The following FLRT2 variants were observed in gnomAD, a reference collection of about 807,000 sequenced individuals.
FLRT2 encodes leucine-rich repeat transmembrane protein FLRT2.
FLRT2 carries 15 observed loss-of-function variants against 40.0 expected under a neutral mutation model. The ratio of observed to expected loss-of-function variants is 0.38; its 90% confidence interval spans 0.25 to 0.58. The LOEUF is 0.58. Among genes scored for constraint, FLRT2 ranks in the 20% least tolerant of loss-of-function variants. The pLI is 0.71. For synonymous variants in FLRT2, 380 were observed against 336.8 expected (o/e 1.13, Z -1.41); for missense variants, 726 against 840.0 (o/e 0.86, Z 1.68).
In FLRT2 at chr14:85,533,377, C is replaced by T. The variant is rs373937632; in HGVS notation, c.-377+2843C>T. Among the ~76,000 whole-genome samples, 3 of 151,978 alleles carry T rather than the reference C, an allele frequency of 2.0e-5. No individual in the cohort carries two copies. The East Asian group carries it at 5.9e-4, about 30-fold the overall frequency. ...AGTGTGGTCTGAGCAGCCTCCAGAC[C>T]CACGCCGGGCGGGCGCAGCACTTGG... On this transcript the variant is annotated intron_variant, in intron 1 of 1. Transcript: ENST00000330753.
In FLRT2 at chr14:85,637,767, C is replaced by T. The variant is rs1894044860; in HGVS notation, c.*14270C>T. 6.6e-6 allele frequency: 1 copy of T among 152,192 alleles called. No homozygotes were observed. Among genetic ancestry groups the T allele is most frequent in the Non-Finnish European group, 1.5e-5 (1 of 68,046 alleles). The allele number at this position is 152,192 out of a possible 1,614,324, so 9.4% of individuals were successfully genotyped here. Reference sequence around the variant, plus strand: ...AGGAAGATTTGAAACATAATAGTTTCCTTTGCGCTTCTGTGGATGTCTCTG... The same window carrying T: ...AGGAAGATTTGAAACATAATAGTTTTCTTTGCGCTTCTGTGGATGTCTCTG... On this transcript the variant is annotated 3_prime_UTR_variant, in exon 2 of 2. Transcript: ENST00000330753.
chr14:85,577,712 G>A (rs1053282769), intron 1 of FLRT2, among the ~76,000 whole-genome samples: 4 of 151,810 alleles, frequency 2.6e-5, no homozygotes, highest in Admixed American at 1.3e-4. Context: ...TCAGTCTCTC[G>A]AGTAGCTAAG....
rs1186193665 is a variant in FLRT2, at chr14:85,634,109, C to T, written c.*10612C>T. On this transcript the variant is annotated 3_prime_UTR_variant, in exon 2 of 2. Transcript: ENST00000330753. ...TGGATCACGTTGTTTTCTTTCTGTA[C>T]ACTTTGTGGTAGTTAATAGTCTCAA... 4 of 152,306 alleles carry T rather than the reference C, an allele frequency of 2.6e-5. No individual in the cohort carries two copies. The highest frequency in any genetic ancestry group is 2.1e-4 in the South Asian group (1 of 4,828). 9.4% of individuals were successfully genotyped at this position (152,306 alleles called of 1,614,324 possible). A position where few individuals can be genotyped will look rare whatever the true frequency, so the allele number is the denominator to read the frequency against.
At position 85,630,980 on chromosome 14, in the gene FLRT2, T is replaced by C. The variant is rs911440469; in HGVS notation, c.*7483T>C. ...ACATGCGTTTTTATTGCTTGCAAGATAGAATTCAAACTCTTTGTGTGACTT... is the reference window on the plus strand; with the variant it reads ...ACATGCGTTTTTATTGCTTGCAAGACAGAATTCAAACTCTTTGTGTGACTT... On this transcript the variant is annotated 3_prime_UTR_variant, in exon 2 of 2. Coordinates refer to ENST00000330753, the MANE Select transcript of FLRT2 (RefSeq NM_013231.6). 1.6e-4 allele frequency: 25 copies of C among 151,712 alleles called. No homozygotes were observed. The highest frequency in any genetic ancestry group is 5.3e-4 in the African/African-American group (22 of 41,254). 9.4% of individuals were successfully genotyped at this position (151,712 alleles called of 1,614,324 possible).
At chr14:85,605,910 C>A (rs143663106) in intron 1 of FLRT2, among the ~76,000 whole-genome samples, 145 of 152,156 alleles carry the variant, frequency 9.5e-4, no homozygotes, top group African/African-American at 3.4e-3. Context: ...ATTTTCTCCC[C>A]CAAATATGTC....
rs936850188 is a variant in FLRT2 at position 85,628,411 on chromosome 14, A to G, written c.*4914A>G. 1 of 152,160 alleles carries G rather than the reference A, an allele frequency of 6.6e-6. No individual in the cohort carries two copies. Among genetic ancestry groups the G allele is most frequent in the African/African-American group, 2.4e-5 (1 of 41,446 alleles). 9.4% of individuals were successfully genotyped at this position (152,160 alleles called of 1,614,324 possible). ...CACCTCGATCACCCAAAGTGCTGGG[A>G]GTACAGGCAGAGGACACCATGCCCA... is the stretch of plus-strand genomic sequence containing the variant. On this transcript the variant is annotated 3_prime_UTR_variant, in exon 2 of 2. Coordinates refer to ENST00000330753, the MANE Select transcript of FLRT2 (RefSeq NM_013231.6).
chr14:85,536,130 T>A (rs1352032659), intron 1 of FLRT2, among the ~76,000 whole-genome samples: 1 of 152,072 alleles, frequency 6.6e-6, no homozygotes, highest in Non-Finnish European at 1.5e-5. Flanking sequence ...CGAGTTTGAC[T>A]TTGACCGGCT....
chr14:85,617,110 G>A (rs1290243393), intron 1 of FLRT2, among the ~76,000 whole-genome samples: 2 of 152,076 alleles, frequency 1.3e-5, no homozygotes, highest in East Asian at 3.9e-4. Flanking sequence ...AGACATTTTT[G>A]GATGTACACC....
At chr14:85,606,530 T>A (rs1336011512) in intron 1 of FLRT2, among the ~76,000 whole-genome samples, 1 of 148,370 alleles carries the variant, frequency 6.7e-6, no homozygotes, top group African/African-American at 2.5e-5. Context: ...TCTTTTTTTT[T>A]TTTTTTTTTT....
intron 1 of FLRT2, among the ~76,000 whole-genome samples, chr14:85,603,463 T>A (rs1391320687): frequency 6.6e-6 from 1 of 152,222 alleles, no homozygotes; most frequent in Non-Finnish European, 1.5e-5. Flanking sequence ...TGAGTGAGGT[T>A]TTCTGATAAG....
At chr14:85,567,706 T>C (rs937715732) in intron 1 of FLRT2, among the ~76,000 whole-genome samples, 7 of 144,400 alleles carry the variant, frequency 4.8e-5, no homozygotes, top group African/African-American at 7.8e-5. Flanking sequence ...AGTGGCACGA[T>C]CTCTACTCAC....
chr14:85,574,935 A>G (rs570545168), intron 1 of FLRT2, among the ~76,000 whole-genome samples: 10 of 152,334 alleles, frequency 6.6e-5, no homozygotes, highest in Non-Finnish European at 1.5e-4. Flanking sequence ...CAAACAAGGT[A>G]GGAAACCAAG....
chr14:85,622,406 A>G lies in FLRT2; in HGVS notation c.892A>G (p.Asn298Asp). The G allele has an allele frequency of 2.5e-6, 4 of 1,614,090 alleles. No individual in the cohort carries two copies. Among genetic ancestry groups the G allele is most frequent in the Non-Finnish European group, 3.4e-6 (4 of 1,180,008 alleles). Residue 298 changes from asparagine (N) to aspartate (D), a missense_variant, in exon 2 of 2, where the codon AAT becomes GAT. Around this residue, in one of 3 missense-constraint regions of FLRT2, gnomAD observed 611 missense variants for 690.0 expected, o/e 0.89. Transcript: ENST00000330753. ...GATGCTGACTCAAGGGGTTTTTGAT[A>G]ATCTCTCCAACCTGAAGCAGCTCAC... Reference protein sequence around the residue: ...LRMLTQGVFDNLSNLKQLTAR... With the variant: ...LRMLTQGVFDDLSNLKQLTAR...
rs1283584556 is a variant in FLRT2 at position 85,624,654 on chromosome 14, A to G, written c.*1157A>G. ...TTCTTGTCTTCCAATCATCTCCCAT[A>G]TATTTTCATAATTAGTTGTTTATGA... On this transcript the variant is annotated 3_prime_UTR_variant, in exon 2 of 2. Transcript: ENST00000330753. The G allele has an allele frequency of 6.0e-6, 1 of 166,786 alleles. No homozygotes were observed. Among genetic ancestry groups the G allele is most frequent in the Non-Finnish European group, 1.5e-5 (1 of 68,126 alleles). 10.3% of individuals were successfully genotyped at this position (166,786 alleles called of 1,614,324 possible).
In FLRT2 at chr14:85,621,700, G is replaced by A. The variant is rs576805931; in HGVS notation, c.186G>A (p.Pro62=). Residue 62 remains proline (P), a synonymous_variant, in exon 2 of 2, where the codon CCG becomes CCA. Coordinates refer to ENST00000330753, the MANE Select transcript of FLRT2 (RefSeq NM_013231.6). ...TGACCTCAGTGCCTCTTGGGATCCC[G>A]GAGGGCGTAACTGTACTCTACCTCC... ...RSLTSVPLGI[P]EGVTVLYLHN... 29 of 1,613,954 alleles carry A rather than the reference G, an allele frequency of 1.8e-5. No homozygotes were observed. Among genetic ancestry groups the A allele is most frequent in the East Asian group, 1.3e-4 (6 of 44,872 alleles).
At position 85,624,926 on chromosome 14, in the gene FLRT2, C is replaced by T. The variant is rs1319541157; in HGVS notation, c.*1429C>T. 4 of 167,060 alleles carry T rather than the reference C, an allele frequency of 2.4e-5. No homozygotes were observed. Among genetic ancestry groups the T allele is most frequent in the Non-Finnish European group, 4.4e-5 (3 of 68,118 alleles). 10.3% of individuals were successfully genotyped at this position (167,060 alleles called of 1,614,324 possible). A position where few individuals can be genotyped will look rare whatever the true frequency, so the allele number is the denominator to read the frequency against. On this transcript the variant is annotated 3_prime_UTR_variant, in exon 2 of 2. Transcript: ENST00000330753. ...TTTTGAAATTTTATTTGTTCCTTTT[C>T]CATCGTGGATGTTCCTCTACTTTGG...
At chr14:85,583,363 G>A (rs1458322552) in intron 1 of FLRT2, among the ~76,000 whole-genome samples, 1 of 152,176 alleles carries the variant, frequency 6.6e-6, no homozygotes, top group Non-Finnish European at 1.5e-5. Flanking sequence ...CCATTCAGAA[G>A]CCTTGCAGCT....
rs1894043269 is a variant in FLRT2 at position 85,637,707 on chromosome 14, A to T, written c.*14210A>T. 6.6e-6 allele frequency: 1 copy of T among 152,294 alleles called. No homozygotes were observed. Among genetic ancestry groups the T allele is most frequent in the South Asian group, 2.1e-4 (1 of 4,824 alleles). The allele number at this position is 152,294 out of a possible 1,614,324, so 9.4% of individuals were successfully genotyped here. ...AGGGTGGACCCACCATTCCTGCCAT[A>T]TTCCTTGGGTAGGCTCATCTATCAC... On this transcript the variant is annotated 3_prime_UTR_variant, in exon 2 of 2. Transcript: ENST00000330753.
At chr14:85,568,408 A>T (rs1890731164) in intron 1 of FLRT2, among the ~76,000 whole-genome samples, 1 of 152,158 alleles carries the variant, frequency 6.6e-6, no homozygotes, top group South Asian at 2.1e-4. Context: ...AGGCTCAAGG[A>T]CCATGTGTAA....
Sources: allele counts gnomAD v4.1 joint callset (sites outside exome capture counted in the v4.1 genomes callset), GRCh38; gene constraint gnomAD v4.1.1; regional missense constraint gnomAD v4.1.1; transcripts MANE v1.5; gene names NCBI Gene and HGNC (gene_info 2026-07-23, HGNC 2026-07-21).